Variants in CSMD1 observed in about 807,000 individuals in gnomAD.
The protein encoded by CSMD1 is CUB and sushi domain-containing protein 1.
CSMD1 carries 213 observed loss-of-function variants against 417.5 expected under a neutral mutation model. That is an observed-to-expected ratio of 0.51 (90% confidence interval 0.46 to 0.57). The LOEUF (loss-of-function observed/expected upper bound fraction) is 0.57, where lower values mean the gene tolerates loss of function less well. Ranked by LOEUF, CSMD1 falls within the 20% of genes least tolerant of loss-of-function variation. The probability of loss-of-function intolerance (pLI) is 0.00; values close to 1 mark genes in which losing one functional copy is unlikely to be tolerated. For synonymous variants in CSMD1, 2,862 were observed against 1,736.8 expected (o/e 1.65, Z -16.11); for missense variants, 6,923 against 4,529.7 (o/e 1.53, Z -15.17).
At chr8:4,032,466 T>C in intron 3 of CSMD1, among the ~76,000 whole-genome samples, 1 of 152,214 alleles carries the variant, frequency 6.6e-6, no homozygotes, top group East Asian at 1.9e-4. Context: ...CACAGTAGAC[T>C]ATAGAAATCT....
At chr8:4,860,531 A>G (rs1429938460) in intron 1 of CSMD1, among the ~76,000 whole-genome samples, 1 of 152,012 alleles carries the variant, frequency 6.6e-6, no homozygotes, top group Non-Finnish European at 1.5e-5. Flanking sequence ...GCCTCGCTGG[A>G]ACTTGAGCAG....
chr8:4,803,726 C>A (rs1237145340), intron 1 of CSMD1, among the ~76,000 whole-genome samples: 4 of 152,094 alleles, frequency 2.6e-5, no homozygotes, highest in African/African-American at 4.8e-5. Context: ...ATTCTAGTAA[C>A]CTTTTAAAAT....
chr8:3,580,639 C>A (rs1288807238), intron 9 of CSMD1, among the ~76,000 whole-genome samples: 1 of 152,006 alleles, frequency 6.6e-6, no homozygotes, highest in African/African-American at 2.4e-5. Flanking sequence ...AAGTATAAAG[C>A]TTCAGGAGTC....
chr8:3,768,747 T>A (rs932355879), intron 5 of CSMD1, among the ~76,000 whole-genome samples: 8 of 152,218 alleles, frequency 5.3e-5, no homozygotes, highest in Non-Finnish European at 1.2e-4. Context: ...AACGGATGTA[T>A]CCCACATTAT....
intron 2 of CSMD1, among the ~76,000 whole-genome samples, chr8:4,575,733 A>G (rs751370728): frequency 1.3e-5 from 2 of 152,228 alleles, no homozygotes; most frequent in Non-Finnish European, 2.9e-5. Flanking sequence ...CAAGAGAAGT[A>G]TTCTTGATTT....
chr8:3,556,141 T>A (rs1436673877), intron 10 of CSMD1, among the ~76,000 whole-genome samples: 1 of 152,032 alleles, frequency 6.6e-6, no homozygotes, highest in Non-Finnish European at 1.5e-5. Flanking sequence ...ACAGAGGAAC[T>A]ATTCAGAATC....
intron 2 of CSMD1, among the ~76,000 whole-genome samples, chr8:4,439,855 G>A (rs891578082): frequency 6.6e-6 from 1 of 152,200 alleles, no homozygotes; most frequent in Non-Finnish European, 1.5e-5. Context: ...AGCTTCGAAA[G>A]ATAGGATGGT....
intron 21 of CSMD1, among the ~76,000 whole-genome samples, chr8:3,352,169 A>T (rs1044638046): frequency 6.6e-6 from 1 of 152,194 alleles, no homozygotes; most frequent in Non-Finnish European, 1.5e-5. Flanking sequence ...AAGGAATGCC[A>T]GGACCTGGGC....
intron 3 of CSMD1, among the ~76,000 whole-genome samples, chr8:4,152,889 T>G (rs1283642575): frequency 2.6e-5 from 4 of 152,148 alleles, no homozygotes; most frequent in Non-Finnish European, 4.4e-5. Context: ...CAAATTAGAC[T>G]TAAGATTTTT....
At chr8:4,850,380 A>ATATT (rs1403352847) in intron 1 of CSMD1, among the ~76,000 whole-genome samples, 171 of 82,734 alleles carry the variant, frequency 2.1e-3, no homozygotes, top group African/African-American at 6.1e-3. Flanking sequence ...AATCCAATTT[A>ATATT]TCTTTTTTTT....
chr8:3,141,203 T>A (rs1349346317), intron 41 of CSMD1, among the ~76,000 whole-genome samples: 1 of 152,074 alleles, frequency 6.6e-6, no homozygotes, highest in Non-Finnish European at 1.5e-5. Flanking sequence ...GGAGTACAGG[T>A]GAAGCTTAGG....
chr8:4,262,150 T>C (rs1034252634), intron 3 of CSMD1, among the ~76,000 whole-genome samples: 1 of 152,202 alleles, frequency 6.6e-6, no homozygotes, highest in East Asian at 1.9e-4. Context: ...TTCTGCTATT[T>C]GTAGATTCTC....
At chr8:3,667,604 A>C (rs981552060) in intron 7 of CSMD1, among the ~76,000 whole-genome samples, 1 of 152,140 alleles carries the variant, frequency 6.6e-6, no homozygotes. Context: ...TGATTTTGTG[A>C]GTGACAGAGG....
chr8:3,634,694 G>A (rs188998150), intron 7 of CSMD1, among the ~76,000 whole-genome samples: 52 of 139,156 alleles, frequency 3.7e-4, no homozygotes, highest in African/African-American at 1.6e-3. Flanking sequence ...AATGAAAGGT[G>A]TGATTAGAAC....
chr8:3,970,834 C>G (rs979390646), intron 5 of CSMD1, among the ~76,000 whole-genome samples: 2 of 152,098 alleles, frequency 1.3e-5, no homozygotes, highest in East Asian at 3.9e-4. Flanking sequence ...TCACTGCAAC[C>G]TCCGCCTCCC....
chr8:4,339,147 C>T (rs769950818), intron 3 of CSMD1, among the ~76,000 whole-genome samples: 1 of 152,072 alleles, frequency 6.6e-6, no homozygotes. Context: ...CAAATGCTAT[C>T]AGCTATGAAA....
At chr8:4,445,601 G>T (rs773808827) in intron 2 of CSMD1, among the ~76,000 whole-genome samples, 10 of 152,134 alleles carry the variant, frequency 6.6e-5, no homozygotes, top group Non-Finnish European at 1.5e-4. Flanking sequence ...AGAAAGAACT[G>T]TGTGTTCAGA....
intron 10 of CSMD1, among the ~76,000 whole-genome samples, chr8:3,523,848 TGCATGC>T (rs907332123): frequency 2.1e-4 from 27 of 126,110 alleles, no homozygotes; most frequent in Admixed American, 1.2e-3. Context: ...GAGACACATG[TGCATGC>T]GCATGCACAC....
intron 3 of CSMD1, among the ~76,000 whole-genome samples, chr8:4,382,028 C>G (rs1380555337): frequency 2.0e-5 from 3 of 152,134 alleles, no homozygotes; most frequent in African/African-American, 7.2e-5. Context: ...TAGCTGGGGT[C>G]TGAATTTCTG....
Sources: gnomAD v4.1 joint callset for allele counts (sites outside exome capture counted in the v4.1 genomes callset) on GRCh38, gnomAD v4.1.1 for gene constraint, MANE v1.5 for transcripts, NCBI Gene and HGNC (gene_info 2026-07-23, HGNC 2026-07-21) for gene names.